The following TRHDE variants were observed in gnomAD, a reference collection of about 807,000 sequenced individuals.
TRHDE encodes the protein thyrotropin releasing hormone degrading enzyme.
In TRHDE, 72 loss-of-function variants were observed where a neutral mutation model predicts 125.7. That is an observed-to-expected ratio of 0.57 (90% CI 0.47 to 0.70). The LOEUF is 0.70. Ranked by LOEUF, TRHDE falls within the 30% of genes least tolerant of loss-of-function variation. The pLI, the probability that TRHDE is intolerant of heterozygous loss-of-function variation, is 0.00. For synonymous variants in TRHDE, 509 were observed against 509.1 expected, an observed-to-expected ratio of 1.00 and a Z score of 0.00; for missense variants, 1,110 against 1,327.1, an observed-to-expected ratio of 0.84 and a Z score of 2.54.
chr12:72,662,997 A>G lies in TRHDE; in HGVS notation c.3067-55A>G. On this transcript the variant is annotated intron_variant, in intron 18 of 18. Transcript: ENST00000261180. ...ATAGATTCTTGTTCATGTTTGTTGG[A>G]CATGAGTTCTTTTTAAGACAGGCAG... The G allele has an allele frequency of 1.1e-5, 17 of 1,534,230 alleles. No homozygotes were observed. In the South Asian group the frequency reaches 2.1e-4, roughly 19 times the overall value.
intron 15 of TRHDE, among the ~76,000 whole-genome samples, chr12:72,626,528 C>T (rs1208700605): frequency 6.6e-6 from 1 of 151,804 alleles, no homozygotes; most frequent in Non-Finnish European, 1.5e-5. Context: ...AAATGTAAAA[C>T]AAAATGCTAC....
intron 2 of TRHDE, among the ~76,000 whole-genome samples, chr12:72,119,367 AT>A (rs34412474): frequency 0.024 from 3,711 of 152,146 alleles, 74 homozygotes; most frequent in Non-Finnish European, 0.043. Flanking sequence ...CTTGTTATCG[AT>A]TTCTAGCATT....
chr12:72,187,959 A>G (rs1398089004), intron 2 of TRHDE, among the ~76,000 whole-genome samples: 1 of 152,226 alleles, frequency 6.6e-6, no homozygotes, highest in Non-Finnish European at 1.5e-5. Flanking sequence ...TAAACCAAGG[A>G]AGTAATATGA....
intron 2 of TRHDE, among the ~76,000 whole-genome samples, chr12:72,373,218 T>C (rs1344040641): frequency 6.6e-6 from 1 of 152,182 alleles, no homozygotes; most frequent in African/African-American, 2.4e-5. Flanking sequence ...TAAGAATGCT[T>C]GTGATTTTTG....
intron 2 of TRHDE, among the ~76,000 whole-genome samples, chr12:72,147,272 C>A (rs1407713097): frequency 6.6e-6 from 1 of 152,026 alleles, no homozygotes; most frequent in Non-Finnish European, 1.5e-5. Flanking sequence ...TGTCTCTTGT[C>A]CCTATCATTA....
At chr12:72,646,967 A>G (rs1241410674) in intron 15 of TRHDE, among the ~76,000 whole-genome samples, 1 of 152,018 alleles carries the variant, frequency 6.6e-6, no homozygotes, top group Non-Finnish European at 1.5e-5. Flanking sequence ...CTATAAACCA[A>G]ATGGACTTAA....
chr12:72,572,817 A>C (rs1870810784), intron 10 of TRHDE, among the ~76,000 whole-genome samples: 1 of 152,026 alleles, frequency 6.6e-6, no homozygotes, highest in Non-Finnish European at 1.5e-5. Flanking sequence ...GTTGAAATTA[A>C]GTTTAAAAAC....
chr12:72,119,705 T>C (rs921727909), intron 2 of TRHDE, among the ~76,000 whole-genome samples: 5 of 152,332 alleles, frequency 3.3e-5, no homozygotes, highest in African/African-American at 1.2e-4. Context: ...TTTATATATC[T>C]GGGTGCTCCA....
intron 12 of TRHDE, among the ~76,000 whole-genome samples, chr12:72,609,247 G>A (rs1872555124): frequency 6.6e-6 from 1 of 152,134 alleles, no homozygotes; most frequent in Non-Finnish European, 1.5e-5. Context: ...TTCCGAACAT[G>A]TAAAAGCATT....
intron 15 of TRHDE, among the ~76,000 whole-genome samples, chr12:72,624,562 AT>A (rs1420282201): frequency 6.6e-6 from 1 of 151,938 alleles, no homozygotes; most frequent in Non-Finnish European, 1.5e-5. Flanking sequence ...ACTGGAATGA[AT>A]GTGAAAGGTG....
exon 2 of TRHDE, chr12:72,105,752 G>A (rs1047413788): frequency 5.3e-5 from 8 of 152,024 alleles, no homozygotes; most frequent in African/African-American, 1.9e-4. Flanking sequence ...TGCCACTAAA[G>A]GTAATACATC....
intron 2 of TRHDE, among the ~76,000 whole-genome samples, chr12:72,203,257 C>T (rs1250684153): frequency 3.9e-5 from 6 of 152,112 alleles, no homozygotes; most frequent in African/African-American, 1.4e-4. Flanking sequence ...GTCAGGAGAT[C>T]GAGACCATCC....
chr12:72,386,444 C>T (rs1872419601), intron 3 of TRHDE, among the ~76,000 whole-genome samples: 1 of 152,140 alleles, frequency 6.6e-6, no homozygotes, highest in Admixed American at 6.6e-5. Context: ...CACCTCATCC[C>T]ATCCTTTCTC....
At chr12:72,211,380 T>G (rs952552244) in intron 2 of TRHDE, among the ~76,000 whole-genome samples, 1 of 152,218 alleles carries the variant, frequency 6.6e-6, no homozygotes, top group Non-Finnish European at 1.5e-5. Flanking sequence ...AGAGCTGAAG[T>G]GGCTGTGCTA....
In TRHDE at chr12:72,619,892, G is replaced by T. The variant is rs1029081837; in HGVS notation, c.2469+854G>T. On this transcript the variant is annotated intron_variant, in intron 13 of 18. Coordinates refer to ENST00000261180, the MANE Select transcript of TRHDE (RefSeq NM_013381.3). ...TTCCTGTGACATGAATCTTTTTATT[G>T]GAGCCATCTGATTTCTGATGCCCAT... Among the ~76,000 whole-genome samples, 8 of 151,878 alleles carry T rather than the reference G, an allele frequency of 5.3e-5. No individual in the cohort carries two copies. In the East Asian group the frequency reaches 1.4e-3, roughly 26 times the overall value.
At chr12:72,411,761 A>T (rs1873520653) in intron 3 of TRHDE, among the ~76,000 whole-genome samples, 1 of 152,176 alleles carries the variant, frequency 6.6e-6, no homozygotes, top group African/African-American at 2.4e-5. Flanking sequence ...TTATGTAATT[A>T]TGAGTGGCAT....
intron 2 of TRHDE, among the ~76,000 whole-genome samples, chr12:72,216,249 T>C (rs755673847): frequency 1.4e-4 from 21 of 152,330 alleles, no homozygotes; most frequent in Non-Finnish European, 2.4e-4. Context: ...GCTAGCAGCC[T>C]GGAATTCATG....
chr12:72,169,046 C>G (rs1876814792), intron 2 of TRHDE, among the ~76,000 whole-genome samples: 3 of 152,110 alleles, frequency 2.0e-5, no homozygotes, highest in Non-Finnish European at 4.4e-5. Flanking sequence ...TATAACCATG[C>G]CTTCCTCATC....
chr12:72,331,293 A>G (rs1294063123), intron 2 of TRHDE, among the ~76,000 whole-genome samples: 1 of 152,196 alleles, frequency 6.6e-6, no homozygotes, highest in Non-Finnish European at 1.5e-5. Context: ...CATAGCACTT[A>G]CCGGTGTCTT....
Sources: gnomAD v4.1 joint callset for allele counts (sites outside exome capture counted in the v4.1 genomes callset) on GRCh38, gnomAD v4.1.1 for gene constraint, MANE v1.5 for transcripts, NCBI Gene and HGNC (gene_info 2026-07-23, HGNC 2026-07-21) for gene names.